The following B3GALT1 variants were observed in gnomAD, a reference collection of about 807,000 sequenced individuals.
B3GALT1 encodes the protein beta-1,3-galactosyltransferase 1, also known as UDP-Gal:betaGlcNAc beta 1,3-galactosyltransferase, polypeptide 1.
B3GALT1 carries 10 observed loss-of-function variants against 23.2 expected under a neutral mutation model. The ratio of observed to expected loss-of-function variants is 0.43; its 90% CI spans 0.27 to 0.73. The LOEUF (loss-of-function observed/expected upper bound fraction) is 0.73, where lower values mean the gene tolerates loss of function less well. B3GALT1 is among the 30% of genes least tolerant of loss of function. The probability of loss-of-function intolerance (pLI) is 0.21; values close to 1 mark genes in which losing one functional copy is unlikely to be tolerated. For missense variants in B3GALT1, 299 were observed against 405.4 expected, an observed-to-expected ratio of 0.74 and a Z score of 2.25; for synonymous variants, 156 against 141.5, an observed-to-expected ratio of 1.10 and a Z score of -0.73.
At chr2:167,444,518 A>T (rs894277597) in intron 1 of B3GALT1, among the ~76,000 whole-genome samples, 2 of 151,952 alleles carry the variant, frequency 1.3e-5, no homozygotes, top group Non-Finnish European at 2.9e-5. Flanking sequence ...TGGTTGGTAG[A>T]CTATTAATTA....
chr2:167,792,309 A>G (rs935701391), intron 3 of B3GALT1, among the ~76,000 whole-genome samples: 3 of 152,216 alleles, frequency 2.0e-5, no homozygotes, highest in Non-Finnish European at 4.4e-5. Flanking sequence ...GCAGATCACT[A>G]GATTGCATAT....
chr2:167,577,168 A>G (rs745955229), intron 2 of B3GALT1, among the ~76,000 whole-genome samples: 9 of 151,846 alleles, frequency 5.9e-5, no homozygotes, highest in Non-Finnish European at 8.8e-5. Context: ...CTTAACCTCA[A>G]GGAGCAATTA....
At chr2:167,809,678 G>A (rs1425899533) in intron 3 of B3GALT1, among the ~76,000 whole-genome samples, 1 of 152,200 alleles carries the variant, frequency 6.6e-6, no homozygotes, top group African/African-American at 2.4e-5. Context: ...GCCGTATGAG[G>A]TGTCAGTCTG....
intron 4 of B3GALT1, among the ~76,000 whole-genome samples, chr2:167,837,337 A>C (rs567612101): frequency 1.1e-4 from 16 of 151,758 alleles, no homozygotes; most frequent in African/African-American, 3.1e-4. Flanking sequence ...AGGAAGATCT[A>C]CCAAGCAAAT....
intron 2 of B3GALT1, among the ~76,000 whole-genome samples, chr2:167,525,840 C>T (rs1296186506): frequency 6.6e-6 from 1 of 151,698 alleles, no homozygotes; most frequent in Non-Finnish European, 1.5e-5. Context: ...TCTCAAACTC[C>T]TCAGCTTAAG....
intron 3 of B3GALT1, among the ~76,000 whole-genome samples, chr2:167,691,409 T>G (rs190304747): frequency 1.3e-5 from 2 of 152,268 alleles, no homozygotes; most frequent in East Asian, 3.9e-4. Context: ...ATTTTAACTG[T>G]GCAATCACTT....
intron 1 of B3GALT1, among the ~76,000 whole-genome samples, chr2:167,316,576 C>G (rs933301661): frequency 3.9e-5 from 6 of 152,076 alleles, no homozygotes; most frequent in Non-Finnish European, 8.8e-5. Flanking sequence ...CCATGCAGGG[C>G]AGGTTGGACA....
intron 3 of B3GALT1, chr2:167,715,812 G>T (rs1342504662): frequency 6.2e-7 from 1 of 1,613,540 alleles, no homozygotes; most frequent in African/African-American, 1.3e-5. Context: ...TCTTCAATTA[G>T]TCCAGAAAGC....
At chr2:167,721,466 TC>T (rs1024704992) in intron 3 of B3GALT1, among the ~76,000 whole-genome samples, 1 of 152,198 alleles carries the variant, frequency 6.6e-6, no homozygotes, top group African/African-American at 2.4e-5. Context: ...GATTTTTTTT[TC>T]CCATCAGAAA....
chr2:167,395,432 T>C (rs796869309), intron 1 of B3GALT1, among the ~76,000 whole-genome samples: 7 of 151,188 alleles, frequency 4.6e-5, no homozygotes, highest in African/African-American at 1.7e-4. Flanking sequence ...GTTTAGAAGA[T>C]GGAGAAAAGA....
chr2:167,509,846 G>C (rs915022661), intron 2 of B3GALT1, among the ~76,000 whole-genome samples: 1 of 152,128 alleles, frequency 6.6e-6, no homozygotes, highest in Non-Finnish European at 1.5e-5. Flanking sequence ...TTAGAACAAA[G>C]GAATGACGTG....
chr2:167,329,746 T>C lies in B3GALT1; in HGVS notation c.-511+36412T>C, dbSNP rs191625431. Among the ~76,000 whole-genome samples, 562 of 152,322 alleles carry C rather than the reference T, an allele frequency of 3.7e-3. 6 individuals are homozygous for C. Among genetic ancestry groups the C allele is most frequent in the African/African-American group, 0.013 (538 of 41,570 alleles). ...TTTGGTTTTTCTGGGAAAGACTTTATTTCTCCTTCATTTCCAAAGAATAAT... is the reference window on the plus strand; with the variant it reads ...TTTGGTTTTTCTGGGAAAGACTTTACTTCTCCTTCATTTCCAAAGAATAAT... On this transcript the variant is annotated intron_variant, in intron 1 of 4. Coordinates refer to ENST00000392690, the MANE Select transcript of B3GALT1 (RefSeq NM_020981.4).
intron 1 of B3GALT1, among the ~76,000 whole-genome samples, chr2:167,353,691 A>G (rs1296431010): frequency 2.0e-5 from 3 of 152,184 alleles, no homozygotes; most frequent in Non-Finnish European, 4.4e-5. Flanking sequence ...TATAAAATTT[A>G]TATTATAAAA....
chr2:167,461,633 A>G (rs1381506896), intron 1 of B3GALT1, among the ~76,000 whole-genome samples: 1 of 152,190 alleles, frequency 6.6e-6, no homozygotes, highest in Non-Finnish European at 1.5e-5. Context: ...TTGATAATGA[A>G]AAATTTTCAA....
chr2:167,786,015 T>C (rs747658639), intron 3 of B3GALT1, among the ~76,000 whole-genome samples: 3 of 152,228 alleles, frequency 2.0e-5, no homozygotes, highest in Non-Finnish European at 4.4e-5. Context: ...CAATTTTCCC[T>C]GCTCATTTCC....
At chr2:167,790,014 A>G (rs1325240463) in intron 3 of B3GALT1, among the ~76,000 whole-genome samples, 1 of 152,224 alleles carries the variant, frequency 6.6e-6, no homozygotes, top group Non-Finnish European at 1.5e-5. Flanking sequence ...AGTAATAACT[A>G]AAGACAATTA....
At chr2:167,664,735 A>C (rs1199586193) in intron 3 of B3GALT1, among the ~76,000 whole-genome samples, 1 of 151,784 alleles carries the variant, frequency 6.6e-6, no homozygotes, top group Non-Finnish European at 1.5e-5. Context: ...TTGTGAATGG[A>C]AGTTCACTCA....
In B3GALT1 at chr2:167,601,373, A is replaced by G. The variant is rs990600350; in HGVS notation, c.-409-45536A>G. Among the ~76,000 whole-genome samples, 5 of 152,320 alleles carry G rather than the reference A, an allele frequency of 3.3e-5. No individual in the cohort carries two copies. In the East Asian group the frequency reaches 9.6e-4, roughly 29 times the overall value. ...AGATCCTCCTTTAGAGTTGGTTCTC[A>G]GGTCATAGGCAAGATTACATTCCCT... is the stretch of plus-strand genomic sequence containing the variant. On this transcript the variant is annotated intron_variant, in intron 2 of 4. Transcript: ENST00000392690.
chr2:167,559,279 G>T (rs936802095), intron 2 of B3GALT1, among the ~76,000 whole-genome samples: 52 of 152,206 alleles, frequency 3.4e-4, no homozygotes, highest in Non-Finnish European at 7.2e-4. Context: ...CTAACAAACA[G>T]GACATCCACA....
Sources: gnomAD v4.1 joint callset for allele counts (sites outside exome capture counted in the v4.1 genomes callset) on GRCh38, gnomAD v4.1.1 for gene constraint, MANE v1.5 for transcripts, NCBI Gene and HGNC (gene_info 2026-07-23, HGNC 2026-07-21) for gene names.